The following COX10 variants were observed in gnomAD, a reference collection of about 807,000 sequenced individuals.
The protein encoded by COX10 is cytochrome c oxidase assembly factor heme A:farnesyltransferase COX10.
Under a neutral mutation model 37.3 loss-of-function variants are expected in COX10, and 27 were observed. The ratio of observed to expected loss-of-function variants is 0.72; its 90% CI spans 0.53 to 1.00. COX10 has a LOEUF of 1.00. COX10 is among the 50% of genes least tolerant of loss of function. The probability of loss-of-function intolerance (pLI) is 0.00; values close to 1 mark genes in which losing one functional copy is unlikely to be tolerated. For missense variants in COX10, 475 were observed against 563.2 expected, an observed-to-expected ratio of 0.84 and a Z score of 1.59; for synonymous variants, 222 against 229.1, an observed-to-expected ratio of 0.97 and a Z score of 0.28.
chr17:14,178,450 C>G, intron 5 of COX10, among the ~76,000 whole-genome samples: 1 of 136,710 alleles, frequency 7.3e-6, no homozygotes, highest in African/African-American at 2.5e-5. Flanking sequence ...AGGGCTCTCC[C>G]GGCACCTCTG....
chr17:14,206,781 C>T (rs1440122545), intron 6 of COX10, 29 bp from the exon 7 acceptor site: 1 of 1,612,994 alleles, frequency 6.2e-7, no homozygotes, highest in Non-Finnish European at 8.5e-7. Context: ...CTGCCTTTGT[C>T]TCCCTCTCCT....
At position 14,076,747 on chromosome 17, in the gene COX10, C is replaced by A. The variant is rs1358637609; in HGVS notation, c.190C>A (p.Leu64Met). The part of the protein sequence containing the change: ...SFLKRMYVTQ[L>M]NRSHNQQVRP... ...CTTTTTTGTTTAGTATGTCACACAG[C>A]TGAACAGAAGCCACAACCAGCAAGT... The change falls in exon 3 of 7, where the codon CTG (leucine) becomes ATG (methionine). Residue 64 changes from leucine (L) to methionine (M), a missense_variant. Transcript: ENST00000261643. 1 of 1,614,126 alleles carries A rather than the reference C, an allele frequency of 6.2e-7. No individual in the cohort carries two copies. The highest frequency in any genetic ancestry group is 8.5e-7 in the Non-Finnish European group (1 of 1,180,014).
chr17:14,122,333 G>A (rs1567596065), intron 4 of COX10, among the ~76,000 whole-genome samples: 1 of 152,098 alleles, frequency 6.6e-6, no homozygotes, highest in Non-Finnish European at 1.5e-5. Context: ...TAAAACACAC[G>A]AGGCTGCAAA....
At chr17:14,144,024 CTG>C (rs1450263678) in intron 4 of COX10, among the ~76,000 whole-genome samples, 1 of 152,096 alleles carries the variant, frequency 6.6e-6, no homozygotes, top group Non-Finnish European at 1.5e-5. Context: ...ACTGCAACTC[CTG>C]AGGGATTAAT....
chr17:14,087,276 T>TA (rs1260472984), intron 3 of COX10, among the ~76,000 whole-genome samples: 5 of 152,222 alleles, frequency 3.3e-5, no homozygotes, highest in Non-Finnish European at 7.3e-5. Flanking sequence ...TCTTCCATGC[T>TA]ACTTTTTTTT....
intron 4 of COX10, among the ~76,000 whole-genome samples, chr17:14,130,667 G>A (rs1916443599): frequency 6.6e-6 from 1 of 151,736 alleles, no homozygotes; most frequent in Admixed American, 6.6e-5. Context: ...CACTGTCTTT[G>A]TTTCTTGGCT....
chr17:14,087,354 C>A lies in COX10; in HGVS notation c.499+10298C>A, dbSNP rs561344491. 3.9e-5 allele frequency among the ~76,000 whole-genome samples: 6 copies of A among 152,174 alleles called. No homozygotes were observed. The East Asian group carries it at 9.7e-4, about 25-fold the overall frequency. ...TCATTTTACCTCTCTGTATCTTTCT[C>A]CCTTCCGGAAAGAAGACAACACTAT... On this transcript the variant is annotated intron_variant, in intron 3 of 6. Transcript: ENST00000261643.
intron 4 of COX10, among the ~76,000 whole-genome samples, chr17:14,129,077 C>T (rs1044241252): frequency 6.6e-6 from 1 of 151,384 alleles, no homozygotes; most frequent in Non-Finnish European, 1.5e-5. Flanking sequence ...AACTTCCGAC[C>T]TGAGGTGGTT....
In COX10 at chr17:14,081,971, A is replaced by T. The variant is rs187676866; in HGVS notation, c.499+4915A>T. Reference sequence around the variant, plus strand: ...TTGGATAAGTGGAATTTGAGTTGCTACTGGCATATCCAGGTGGAGAGACCC... The same window carrying T: ...TTGGATAAGTGGAATTTGAGTTGCTTCTGGCATATCCAGGTGGAGAGACCC... On this transcript the variant is annotated intron_variant, in intron 3 of 6. Coordinates refer to ENST00000261643, the MANE Select transcript of COX10 (RefSeq NM_001303.4). 1.1e-3 allele frequency among the ~76,000 whole-genome samples: 163 copies of T among 152,268 alleles called. 2 individuals carry two copies. The highest frequency in any genetic ancestry group is 5.8e-4 in the East Asian group (3 of 5,172).
rs1381327135 is a variant in COX10, at chr17:14,159,966, G to A, written c.695+19G>A. The A allele has an allele frequency of 1.3e-6, 2 of 1,599,840 alleles. No homozygotes were observed. Among genetic ancestry groups the A allele is most frequent in the East Asian group, 2.2e-5 (1 of 44,750 alleles). On this transcript the variant is annotated intron_variant, in intron 5 of 6. Transcript: ENST00000261643. ...AGATCAGGTAAAATCACGAATACAAGTGTCTTCCACATTATAAAACATTCA... is the reference window on the plus strand; with the variant it reads ...AGATCAGGTAAAATCACGAATACAAATGTCTTCCACATTATAAAACATTCA...
In COX10 at chr17:14,206,868, G is replaced by A; in HGVS notation, c.987G>A (p.Leu329=). ...YSWQFPHFNA[L]SWGLREDYSR... Reference sequence around the variant, plus strand: ...GGCAGTTTCCTCATTTCAACGCCCTGAGCTGGGGCCTCCGTGAAGACTACT... The same window carrying A: ...GGCAGTTTCCTCATTTCAACGCCCTAAGCTGGGGCCTCCGTGAAGACTACT... Residue 329 remains leucine (L), a synonymous_variant, in exon 7 of 7, where the codon CTG becomes CTA. Transcript: ENST00000261643. The A allele has an allele frequency of 6.2e-7, 1 of 1,614,116 alleles. No individual in the cohort carries two copies. Among genetic ancestry groups the A allele is most frequent in the Non-Finnish European group, 8.5e-7 (1 of 1,180,022 alleles).
At chr17:14,135,897 T>G (rs1352057368) in intron 4 of COX10, among the ~76,000 whole-genome samples, 1 of 151,952 alleles carries the variant, frequency 6.6e-6, no homozygotes, top group African/African-American at 2.4e-5. Context: ...CACCAAAAAG[T>G]GCTCTGTCAA....
At chr17:14,102,094 G>A (rs771258985) in intron 3 of COX10, 24 bp from the exon 4 acceptor site, 3 of 1,613,352 alleles carry the variant, frequency 1.9e-6, no homozygotes, top group South Asian at 2.2e-5. Context: ...GTAACAGTGT[G>A]TCTGCTCTGT....
At chr17:14,103,213 T>C (rs1356347142) in intron 4 of COX10, among the ~76,000 whole-genome samples, 4 of 152,190 alleles carry the variant, frequency 2.6e-5, no homozygotes, top group African/African-American at 9.7e-5. Context: ...GGACACCATC[T>C]CTTCCAAGTA....
intron 4 of COX10, among the ~76,000 whole-genome samples, chr17:14,144,093 G>A (rs983738674): frequency 5.9e-5 from 9 of 152,046 alleles, no homozygotes; most frequent in African/African-American, 9.7e-5. Flanking sequence ...GGGAGTTCTC[G>A]GGTTGCTTAA....
At chr17:14,086,822 A>G (rs1228978749) in intron 3 of COX10, among the ~76,000 whole-genome samples, 2 of 151,886 alleles carry the variant, frequency 1.3e-5, no homozygotes, top group African/African-American at 4.8e-5. Flanking sequence ...CTTTTTTTAG[A>G]GATTGATAGT....
intron 4 of COX10, among the ~76,000 whole-genome samples, chr17:14,138,972 C>T (rs1026048044): frequency 2.3e-4 from 35 of 152,226 alleles, no homozygotes; most frequent in African/African-American, 7.2e-4. Context: ...CCAAGCAGTA[C>T]GACCTCGATC....
At chr17:14,153,480 G>A (rs1368252644) in intron 4 of COX10, among the ~76,000 whole-genome samples, 2 of 152,154 alleles carry the variant, frequency 1.3e-5, no homozygotes, top group Non-Finnish European at 2.9e-5. Context: ...TAAGAAAAAA[G>A]CATTTATAAC....
chr17:14,094,487 C>A (rs1033826887), intron 3 of COX10, among the ~76,000 whole-genome samples: 4 of 152,072 alleles, frequency 2.6e-5, no homozygotes, highest in African/African-American at 4.8e-5. Context: ...CTTTGAAATG[C>A]AGTATTTTTG....
Sources: allele counts gnomAD v4.1 joint callset (sites outside exome capture counted in the v4.1 genomes callset), GRCh38; gene constraint gnomAD v4.1.1; transcripts MANE v1.5; gene names NCBI Gene and HGNC (gene_info 2026-07-23, HGNC 2026-07-21).